Variants in CC2D2B observed in about 807,000 individuals in gnomAD.
CC2D2B encodes the protein protein CC2D2B.
Under a neutral mutation model 161.2 loss-of-function variants are expected in CC2D2B, and 128 were observed. The ratio of observed to expected loss-of-function variants is 0.79; its 90% CI spans 0.69 to 0.92. CC2D2B has a LOEUF of 0.92. Ranked by LOEUF, CC2D2B falls within the 40% of genes least tolerant of loss-of-function variation. The pLI is 0.00. For missense variants in CC2D2B, 1,173 were observed against 1,375.1 expected, an observed-to-expected ratio of 0.85 and a Z score of 2.32; for synonymous variants, 391 against 449.8, an observed-to-expected ratio of 0.87 and a Z score of 1.65.
At chr10:95,944,595 C>A (rs546589824) in intron 9 of CC2D2B, among the ~76,000 whole-genome samples, 2 of 152,232 alleles carry the variant, frequency 1.3e-5, no homozygotes, top group South Asian at 4.1e-4. Flanking sequence ...GAAACAACAA[C>A]AATTTGTTGA....
chr10:96,025,563 A>T (rs970327595), intron 33 of CC2D2B, among the ~76,000 whole-genome samples: 1 of 152,136 alleles, frequency 6.6e-6, no homozygotes, highest in African/African-American at 2.4e-5. Flanking sequence ...AGTAGCCAAC[A>T]CTTCTTGAAA....
intron 2 of CC2D2B, among the ~76,000 whole-genome samples, chr10:95,917,374 T>C (rs2098518298): frequency 6.6e-6 from 1 of 152,186 alleles, no homozygotes; most frequent in South Asian, 2.1e-4. Flanking sequence ...TTCAATGTTG[T>C]TGTTGATAAG....
chr10:95,954,434 G>A (rs539484892), intron 10 of CC2D2B, among the ~76,000 whole-genome samples: 32 of 152,094 alleles, frequency 2.1e-4, no homozygotes, highest in African/African-American at 7.7e-4. Context: ...TTAATATATA[G>A]GTTTGCTTGA....
chr10:95,933,481 T>G (rs1385576340), intron 6 of CC2D2B, among the ~76,000 whole-genome samples: 3 of 152,224 alleles, frequency 2.0e-5, no homozygotes, highest in Non-Finnish European at 4.4e-5. Flanking sequence ...TTTGAAATTT[T>G]CAGCCTTTTT....
chr10:95,956,044 C>T (rs1156540077), intron 11 of CC2D2B, among the ~76,000 whole-genome samples: 2 of 152,168 alleles, frequency 1.3e-5, no homozygotes, highest in Non-Finnish European at 2.9e-5. Context: ...TATTCATAAT[C>T]AGAAGACAGC....
chr10:95,970,099 G>T lies in CC2D2B; in HGVS notation c.1644+1198G>T, dbSNP rs533041828. On this transcript the variant is annotated intron_variant, in intron 15 of 34. Coordinates refer to ENST00000646931, the MANE Select transcript of CC2D2B (RefSeq NM_001349008.3). Reference sequence around the variant, plus strand: ...TGCCCAGGCTGGAGTGCAGTGGTGTGATCCCAGCCACCACAACCTCCACTT... The same window carrying T: ...TGCCCAGGCTGGAGTGCAGTGGTGTTATCCCAGCCACCACAACCTCCACTT... Among the ~76,000 whole-genome samples, 252 of 149,802 alleles carry T rather than the reference G, an allele frequency of 1.7e-3. 1 individual carries two copies. Among genetic ancestry groups the T allele is most frequent in the African/African-American group, 5.9e-3 (239 of 40,652 alleles).
In CC2D2B at chr10:95,949,926, A is replaced by G; in HGVS notation, c.832A>G (p.Met278Val). 1 of 398,782 alleles carries G rather than the reference A, an allele frequency of 2.5e-6. No homozygotes were observed. The highest frequency in any genetic ancestry group is 4.4e-6 in the Non-Finnish European group (1 of 225,908). The allele number at this position is 398,782 out of a possible 1,614,324, so 24.7% of individuals were successfully genotyped here. A position where few individuals can be genotyped will look rare whatever the true frequency, so the allele number is the denominator to read the frequency against. The change falls in exon 10 of 35, where the codon ATG (methionine) becomes GTG (valine). Residue 278 changes from methionine (M) to valine (V), a missense_variant. By Grantham distance (21) the Met-to-Val change is conservative. Coordinates refer to ENST00000646931, the MANE Select transcript of CC2D2B (RefSeq NM_001349008.3). Reference sequence around the variant, plus strand: ...AAAATATGACCTGGGAAGTTCATTTATGAACAAAATGGAAGGTTCAAGGGA... The same window carrying G: ...AAAATATGACCTGGGAAGTTCATTTGTGAACAAAATGGAAGGTTCAAGGGA... ...AVKYDLGSSF[M>V]NKMEGSREIY...
Position 95,972,200 on chromosome 10 carries a change from T to C in CC2D2B, c.1779T>C (p.Asp593=), listed in dbSNP as rs2077160034. The part of the protein sequence containing the change: ...FSSDKLVMPA[D]GEVGSNVPFL... ...CTGATAAGCTGGTCATGCCTGCCGA[T>C]GGAGAAGTAGGAAGCAGTGAGTTTA... The change falls in exon 16 of 35, where the codon GAT becomes GAC. Residue 593 remains aspartate, a synonymous_variant. Coordinates refer to ENST00000646931, the MANE Select transcript of CC2D2B (RefSeq NM_001349008.3). The C allele has an allele frequency of 2.3e-5, 28 of 1,231,966 alleles. No homozygotes were observed. Among genetic ancestry groups the C allele is most frequent in the South Asian group, 1.2e-4 (3 of 24,330 alleles). 76.3% of individuals were successfully genotyped at this position (1,231,966 alleles called of 1,614,324 possible). A position where few individuals can be genotyped will look rare whatever the true frequency, so the allele number is the denominator to read the frequency against.
intron 34 of CC2D2B, among the ~76,000 whole-genome samples, chr10:96,031,101 TGTGC>T (rs1203296675): frequency 1.3e-5 from 2 of 152,200 alleles, no homozygotes; most frequent in African/African-American, 4.8e-5. Flanking sequence ...TTTTCTTCTA[TGTGC>T]CAGGCATTAT....
At chr10:96,006,002 T>C (rs1300688629) in intron 25 of CC2D2B, among the ~76,000 whole-genome samples, 5 of 152,154 alleles carry the variant, frequency 3.3e-5, no homozygotes, top group Admixed American at 2.6e-4. Context: ...TATCCAACCA[T>C]GTCTTTCAAA....
chr10:96,032,111 A>G lies in CC2D2B; in HGVS notation c.*103A>G, dbSNP rs186157921. ...TTGCTGTTTATTCTCAAGTCCAGCT[A>G]AGTGCTGGGCCCAATTTTTGATTCA... On this transcript the variant is annotated 3_prime_UTR_variant, in exon 35 of 35. Transcript: ENST00000646931. 6.4e-4 allele frequency: 561 copies of G among 874,372 alleles called. 7 individuals carry two copies. The highest frequency in any genetic ancestry group is 1.5e-4 in the Non-Finnish European group (84 of 575,952). 54.2% of individuals were successfully genotyped at this position (874,372 alleles called of 1,614,324 possible).
chr10:96,004,725 T>G (rs1193233480), intron 25 of CC2D2B, among the ~76,000 whole-genome samples: 2 of 152,240 alleles, frequency 1.3e-5, no homozygotes, highest in East Asian at 3.8e-4. Context: ...CCCAGCACCC[T>G]AGCAAGCTCC....
chr10:96,027,198 G>T lies in CC2D2B; in HGVS notation c.3948-14G>T. On this transcript the variant is annotated splice_polypyrimidine_tract_variant and intron_variant, in intron 33 of 34. Coordinates refer to ENST00000646931, the MANE Select transcript of CC2D2B (RefSeq NM_001349008.3). ...ATAACTTGTCATAAAATTACCTTTGGATTCTTACCTTAGGATCGAAAGGAC... is the reference window on the plus strand; with the variant it reads ...ATAACTTGTCATAAAATTACCTTTGTATTCTTACCTTAGGATCGAAAGGAC... 1 of 1,487,186 alleles carries T rather than the reference G, an allele frequency of 6.7e-7. No individual in the cohort carries two copies. Among genetic ancestry groups the T allele is most frequent in the Non-Finnish European group, 9.0e-7 (1 of 1,113,358 alleles). The allele number at this position is 1,487,186 out of a possible 1,614,324, so 92.1% of individuals were successfully genotyped here.
At chr10:95,947,109 ATATATTT>A (rs1159468205) in intron 9 of CC2D2B, among the ~76,000 whole-genome samples, 47 of 40,050 alleles carry the variant, frequency 1.2e-3, no homozygotes, top group African/African-American at 6.1e-3. Context: ...ATATATATAT[ATATATTT>A]TTTTTTTTTT....
chr10:95,980,676 A>C (rs2077482692), intron 17 of CC2D2B, among the ~76,000 whole-genome samples: 1 of 152,166 alleles, frequency 6.6e-6, no homozygotes, highest in Admixed American at 6.5e-5. Context: ...ACCTGTTCGT[A>C]ATTTTCCTTA....
At chr10:95,972,760 C>T (rs2141509921) in intron 16 of CC2D2B, among the ~76,000 whole-genome samples, 1 of 152,322 alleles carries the variant, frequency 6.6e-6, no homozygotes, top group South Asian at 2.1e-4. Context: ...AAGGCAAGGA[C>T]AGAATGCTGT....
In CC2D2B at chr10:96,003,037, T is replaced by G. The variant is rs938679632; in HGVS notation, c.2850-1115T>G. 5.4e-5 allele frequency among the ~76,000 whole-genome samples: 8 copies of G among 147,724 alleles called. 1 individual carries two copies. Among genetic ancestry groups the G allele is most frequent in the African/African-American group, 2.0e-4 (8 of 40,768 alleles). ...AAATAAATAAATATATATATATATA[T>G]ATATATAGAAATAAATAAACTAAAT... On this transcript the variant is annotated intron_variant, in intron 24 of 34. Transcript: ENST00000646931.
chr10:96,010,158 A>G (rs1372059367), intron 26 of CC2D2B, among the ~76,000 whole-genome samples: 2 of 152,210 alleles, frequency 1.3e-5, no homozygotes, highest in African/African-American at 4.8e-5. Context: ...TCTTAAAACA[A>G]CATTTGTATT....
chr10:95,947,103 ATATATATATATTTTTTTTTTTTT>A (rs766384997), intron 9 of CC2D2B, among the ~76,000 whole-genome samples: 5,004 of 44,328 alleles, frequency 0.11, 650 homozygotes, highest in African/African-American at 0.26. Context: ...ATATATATAT[ATATATATATATTTTTTTTTTTTT>A]TTTTGAGACA....
Sources: gnomAD v4.1 joint callset for allele counts (sites outside exome capture counted in the v4.1 genomes callset) on GRCh38, gnomAD v4.1.1 for gene constraint, MANE v1.5 for transcripts, NCBI Gene and HGNC (gene_info 2026-07-23, HGNC 2026-07-21) for gene names.